Variants in SETD2 observed in about 807,000 individuals in gnomAD.
SETD2 encodes the protein histone-lysine N-methyltransferase SETD2.
In SETD2, 31 loss-of-function variants were observed where a neutral mutation model predicts 242.1. The observed-to-expected ratio is 0.13, with a 90% CI of 0.10 to 0.17. SETD2 has a LOEUF of 0.17. Ranked by LOEUF, SETD2 falls within the 10% of genes least tolerant of loss-of-function variation. The pLI is 1.00. For synonymous variants in SETD2, 1,006 were observed against 1,066.5 expected (o/e 0.94, Z 1.11); for missense variants, 2,481 against 3,046.3 (o/e 0.81, Z 4.37).
At chr3:47,063,872 A>G (rs1187946829) in intron 13 of SETD2, among the ~76,000 whole-genome samples, 1 of 151,844 alleles carries the variant, frequency 6.6e-6, no homozygotes, top group Non-Finnish European at 1.5e-5. Context: ...AATCCTAGCT[A>G]TTTGGGAGGC....
At chr3:47,151,750 C>A (rs537993093) in intron 1 of SETD2, among the ~76,000 whole-genome samples, 2 of 151,622 alleles carry the variant, frequency 1.3e-5, no homozygotes, top group East Asian at 3.9e-4. Flanking sequence ...TTACTTGAAC[C>A]CGGGAAGCGG....
intron 12 of SETD2, among the ~76,000 whole-genome samples, chr3:47,079,600 G>A (rs925792480): frequency 2.0e-4 from 31 of 152,180 alleles, no homozygotes; most frequent in Non-Finnish European, 4.0e-4. Flanking sequence ...ATCAGATGTT[G>A]GCAAACTTTT....
At chr3:47,035,304 C>A (rs1014411812) in intron 18 of SETD2, among the ~76,000 whole-genome samples, 1 of 152,162 alleles carries the variant, frequency 6.6e-6, no homozygotes, top group Admixed American at 6.5e-5. Context: ...ATTGTGAAGG[C>A]GCCAGCTCCA....
At chr3:47,036,876 C>T (rs368937081) in intron 18 of SETD2, among the ~76,000 whole-genome samples, 4 of 135,256 alleles carry the variant, frequency 3.0e-5, no homozygotes, top group Admixed American at 8.4e-5. Flanking sequence ...CACTCCAGCC[C>T]GGGCAACAGA....
At chr3:47,022,091 A>G (rs1264740530) in intron 18 of SETD2, among the ~76,000 whole-genome samples, 1 of 148,656 alleles carries the variant, frequency 6.7e-6, no homozygotes, top group East Asian at 2.1e-4. Context: ...GCTACTTGGG[A>G]GGCTGAGGCA....
Position 47,122,909 on chromosome 3 carries a change from G to A in SETD2, c.1727C>T (p.Thr576Ile), listed in dbSNP as rs752022280. Residue 576 changes from threonine (T) to isoleucine (I), a missense_variant, in exon 3 of 21, where the codon ACA (threonine) becomes ATA (isoleucine). By Grantham distance (89) the Thr-to-Ile change is moderately conservative (BLOSUM62 -1). Coordinates refer to ENST00000409792, the MANE Select transcript of SETD2 (RefSeq NM_014159.7). ...SDKFKNSFCC[T>I]ELNEEIKQSH... Reference sequence around the variant, plus strand: ...CTGTTTGATTTCTTCATTTAATTCTGTACAACAGAAAGAATTTTTAAATTT... The same window carrying A: ...CTGTTTGATTTCTTCATTTAATTCTATACAACAGAAAGAATTTTTAAATTT... 5.6e-6 allele frequency: 9 copies of A among 1,610,530 alleles called. No homozygotes were observed. In the South Asian group the frequency reaches 9.9e-5, roughly 18 times the overall value.
chr3:47,028,895 G>A (rs115819000), intron 18 of SETD2: 2,717 of 158,162 alleles, frequency 0.017, 41 homozygotes, highest in Non-Finnish European at 0.028. Context: ...CTGACCACAG[G>A]GCAGGAGTAG....
intron 1 of SETD2, among the ~76,000 whole-genome samples, chr3:47,148,799 C>T (rs889998903): frequency 3.9e-5 from 6 of 152,258 alleles, no homozygotes; most frequent in East Asian, 1.9e-4. Flanking sequence ...CGGTGGCTCA[C>T]GCCTGTAATC....
chr3:47,030,986 G>C (rs575193496), intron 18 of SETD2, among the ~76,000 whole-genome samples: 1 of 152,278 alleles, frequency 6.6e-6, no homozygotes, highest in East Asian at 1.9e-4. Flanking sequence ...GAATGAAGCC[G>C]ATCTGAAAAG....
chr3:47,120,396 C>G lies in SETD2; in HGVS notation c.4240G>C (p.Asp1414His), dbSNP rs373340813. ...LKKRRQEIES[D>H]SESDGELQDR... ...TGAAGCTCACCATCACTTTCAGAAT[C>G]ACTCTCTATTTCCTGCCTCCTTTTT... Residue 1414 changes from aspartate to histidine, a missense_variant, in exon 3 of 21, where the codon GAT becomes CAT. Asp to His is a moderately conservative substitution (Grantham distance 81, BLOSUM62 -1). Around this residue, in one of 17 missense-constraint regions of SETD2, gnomAD observed 1,300 missense variants for 1,259.2 expected, o/e 1.03. Coordinates refer to ENST00000409792, the MANE Select transcript of SETD2 (RefSeq NM_014159.7). The G allele has an allele frequency of 1.9e-6, 3 of 1,612,402 alleles. No homozygotes were observed. Among genetic ancestry groups the G allele is most frequent in the Non-Finnish European group, 2.5e-6 (3 of 1,179,526 alleles).
rs2043819531 is a variant in SETD2, at chr3:47,145,004, C to T, written c.72-18341G>A. ...CAATAAATAAATATTTTAAAAATAA[C>T]AGAATATGGCTTGGAATTAAATAGT... On this transcript the variant is annotated intron_variant, in intron 1 of 20. Coordinates refer to ENST00000409792, the MANE Select transcript of SETD2 (RefSeq NM_014159.7). 2.6e-5 allele frequency among the ~76,000 whole-genome samples: 4 copies of T among 152,074 alleles called. No individual in the cohort carries two copies. In the South Asian group the frequency reaches 8.3e-4, roughly 31 times the overall value.
chr3:47,044,344 C>CAAAAAAAAAAAAAAAAAA (rs59408277), intron 16 of SETD2, among the ~76,000 whole-genome samples: 8 of 33,948 alleles, frequency 2.4e-4, no homozygotes, highest in African/African-American at 3.4e-4. Context: ...GACTTCATCT[C>CAAAAAAAAAAAAAAAAAA]AAAAAAAAAA....
intron 5 of SETD2, among the ~76,000 whole-genome samples, chr3:47,106,822 A>C (rs529264725): frequency 6.6e-6 from 1 of 151,754 alleles, no homozygotes; most frequent in African/African-American, 2.4e-5. Flanking sequence ...AAAAAAAAAA[A>C]AAAAGGAAAA....
At chr3:47,138,083 T>C (rs1465748957) in intron 1 of SETD2, among the ~76,000 whole-genome samples, 1 of 151,652 alleles carries the variant, frequency 6.6e-6, no homozygotes, top group Non-Finnish European at 1.5e-5. Flanking sequence ...GCCATTCTCC[T>C]GCCTCAGCCT....
At chr3:47,106,767 G>A (rs1456108504) in intron 5 of SETD2, among the ~76,000 whole-genome samples, 5 of 148,260 alleles carry the variant, frequency 3.4e-5, no homozygotes, top group Admixed American at 6.8e-5. Flanking sequence ...AGCCGAGATC[G>A]CGCCACTGCA....
At chr3:47,105,372 TGCACTCCA>T (rs1375514523) in intron 6 of SETD2, among the ~76,000 whole-genome samples, 2 of 143,200 alleles carry the variant, frequency 1.4e-5, no homozygotes, top group African/African-American at 2.6e-5. Flanking sequence ...ATGGCACCAC[TGCACTCCA>T]GCCCAGGTAA....
chr3:47,099,950 CTT>C (rs796284454), intron 8 of SETD2, among the ~76,000 whole-genome samples: 6 of 140,640 alleles, frequency 4.3e-5, no homozygotes, highest in Non-Finnish European at 3.1e-5. Flanking sequence ...ACTAATATAC[CTT>C]TTTTTTTTTT....
At chr3:47,124,660 T>C (rs2043255281) in intron 2 of SETD2, 112 bp from the exon 3 acceptor site, 5 of 903,622 alleles carry the variant, frequency 5.5e-6, no homozygotes, top group South Asian at 1.9e-5. Context: ...TAATAACAAA[T>C]AGTATGAATT....
intron 9 of SETD2, among the ~76,000 whole-genome samples, chr3:47,097,550 A>C (rs1377354743): frequency 6.6e-6 from 1 of 152,150 alleles, no homozygotes; most frequent in East Asian, 1.9e-4. Flanking sequence ...CTTCCTCTCA[A>C]AACTTTTCTC....
Sources: allele counts gnomAD v4.1 joint callset (sites outside exome capture counted in the v4.1 genomes callset), GRCh38; gene constraint gnomAD v4.1.1; regional missense constraint gnomAD v4.1.1; transcripts MANE v1.5; gene names NCBI Gene and HGNC (gene_info 2026-07-23, HGNC 2026-07-21).